The following NDRG4 variants were observed in gnomAD, a reference collection of about 807,000 sequenced individuals.
NDRG4 encodes protein NDRG4.
A neutral mutation model predicts 55.8 loss-of-function variants in NDRG4; 38 were observed. The observed-to-expected ratio is 0.68, with a 90% CI of 0.53 to 0.89. The LOEUF is 0.89. Among genes scored for constraint, NDRG4 ranks in the 40% least tolerant of loss-of-function variants. The pLI, the probability that NDRG4 is intolerant of heterozygous loss-of-function variation, is 0.00. For missense variants in NDRG4, 455 were observed against 468.6 expected (o/e 0.97, Z 0.27); for synonymous variants, 190 against 182.7 (o/e 1.04, Z -0.32).
At chr16:58,489,635 A>G (rs879004074) in intron 2 of NDRG4, among the ~76,000 whole-genome samples, 1 of 151,920 alleles carries the variant, frequency 6.6e-6, no homozygotes, top group Admixed American at 6.5e-5. Flanking sequence ...GCAGGTTCCC[A>G]GGACAGAGAT....
intron 7 of NDRG4, 89 bp downstream of exon 7, chr16:58,506,703 A>G: frequency 2.1e-6 from 3 of 1,434,948 alleles, no homozygotes; most frequent in Admixed American, 2.1e-5. Context: ...TGTCTTTGGC[A>G]TCTGACCTGG....
chr16:58,468,797 C>T (rs1487734810), intron 1 of NDRG4, among the ~76,000 whole-genome samples: 3 of 152,222 alleles, frequency 2.0e-5, no homozygotes, highest in Admixed American at 6.5e-5. Flanking sequence ...GAGCTCATTA[C>T]AATTCTCAGA....
chr16:58,465,963 C>G (rs1196477336), intron 1 of NDRG4, among the ~76,000 whole-genome samples: 1 of 152,174 alleles, frequency 6.6e-6, no homozygotes, highest in Non-Finnish European at 1.5e-5. Flanking sequence ...ACCGCGCAGG[C>G]CACTGAACTT....
intron 1 of NDRG4, chr16:58,487,646 G>C (rs1206915881): frequency 2.5e-6 from 2 of 787,010 alleles, no homozygotes; most frequent in Non-Finnish European, 3.8e-6. Flanking sequence ...GGGGGCCAGG[G>C]GGACAGTGCA....
intron 1 of NDRG4, among the ~76,000 whole-genome samples, chr16:58,487,240 G>T (rs533771917): frequency 1.4e-4 from 22 of 152,188 alleles, no homozygotes; most frequent in Non-Finnish European, 2.5e-4. Context: ...CAAATAATAG[G>T]CTGGGCATGG....
chr16:58,510,579 C>T, intron 13 of NDRG4, 66 bp from the exon 14 acceptor site: 1 of 1,376,860 alleles, frequency 7.3e-7, no homozygotes, highest in Non-Finnish European at 1.0e-6. Context: ...CTCAGCGGAC[C>T]ACGCTCTTCA....
At chr16:58,505,085 C>T (rs935214947) in intron 5 of NDRG4, among the ~76,000 whole-genome samples, 1 of 152,160 alleles carries the variant, frequency 6.6e-6, no homozygotes, top group Non-Finnish European at 1.5e-5. Context: ...GTCGGTGGCT[C>T]ACACCTGTAA....
intron 1 of NDRG4, among the ~76,000 whole-genome samples, chr16:58,486,117 G>A (rs1013733398): frequency 5.9e-5 from 9 of 152,108 alleles, no homozygotes; most frequent in African/African-American, 1.9e-4. Flanking sequence ...CTTCGCTAGC[G>A]GTGTAAACTT....
At chr16:58,504,688 G>A (rs770795751) in intron 5 of NDRG4, 39 bp downstream of exon 5, 1 of 1,612,332 alleles carries the variant, frequency 6.2e-7, no homozygotes, top group Non-Finnish European at 8.5e-7. Context: ...AAACACCAGG[G>A]CAAGCCAGGG....
At chr16:58,489,055 T>A (rs939922671) in intron 2 of NDRG4, among the ~76,000 whole-genome samples, 5 of 152,102 alleles carry the variant, frequency 3.3e-5, no homozygotes, top group African/African-American at 1.2e-4. Flanking sequence ...TCCCAGCACT[T>A]TGGGAGGCCG....
At chr16:58,504,841 G>A (rs1443283838) in intron 5 of NDRG4, 192 bp downstream of exon 5, 2 of 604,676 alleles carry the variant, frequency 3.3e-6, no homozygotes. Context: ...TTTTAAAAAA[G>A]AGGTTCCTTT....
intron 1 of NDRG4, among the ~76,000 whole-genome samples, chr16:58,477,561 T>A (rs111254542): frequency 0.012 from 1,768 of 152,256 alleles, 22 homozygotes; most frequent in African/African-American, 0.024. Context: ...CCATGAGTCC[T>A]TATTGATATA....
chr16:58,477,043 G>A (rs555943227), intron 1 of NDRG4, among the ~76,000 whole-genome samples: 2 of 151,982 alleles, frequency 1.3e-5, no homozygotes, highest in African/African-American at 2.4e-5. Context: ...GCAATCAAAC[G>A]GGGGAAGCTA....
intron 2 of NDRG4, among the ~76,000 whole-genome samples, chr16:58,494,223 C>A (rs1309589928): frequency 2.0e-5 from 3 of 152,182 alleles, no homozygotes; most frequent in Middle Eastern, 3.2e-3. Flanking sequence ...TCAAACGGTT[C>A]ACTGTGAAGT....
In NDRG4 at chr16:58,464,527, G is replaced by T. The variant is rs2031191289; in HGVS notation, c.-24+730G>T. Reference sequence around the variant, plus strand: ...TTCCGAGTTGGAGCGGACTCCGGGCGCGGCGGCCGGGGACTGGGGCGGCTC... The same window carrying T: ...TTCCGAGTTGGAGCGGACTCCGGGCTCGGCGGCCGGGGACTGGGGCGGCTC... On this transcript the variant is annotated intron_variant, in intron 1 of 15. Coordinates refer to the NDRG4 transcript ENST00000258187. This position sits in a 1 kb window ranked among gnomAD's most constrained non-coding sequence, Gnocchi z 4.8. 1 of 1,283,598 alleles carries T rather than the reference G, an allele frequency of 7.8e-7. No individual in the cohort carries two copies. Among genetic ancestry groups the T allele is most frequent in the African/African-American group, 1.5e-5 (1 of 64,614 alleles). 79.5% of individuals were successfully genotyped at this position (1,283,598 alleles called of 1,614,324 possible). A position where few individuals can be genotyped will look rare whatever the true frequency, so the allele number is the denominator to read the frequency against.
intron 1 of NDRG4, chr16:58,501,281 C>T (rs772665146): frequency 7.6e-6 from 3 of 393,662 alleles, no homozygotes; most frequent in Non-Finnish European, 1.3e-5. Context: ...CACAGCACCA[C>T]CAGCACCAAC....
intron 10 of NDRG4, among the ~76,000 whole-genome samples, chr16:58,508,709 A>G (rs2038376366): frequency 6.6e-6 from 1 of 151,864 alleles, no homozygotes; most frequent in African/African-American, 2.4e-5. Context: ...CCCTCGCCTG[A>G]CTCCCACTCC....
intron 7 of NDRG4, 37 bp from the exon 8 acceptor site, chr16:58,506,875 C>G (rs778910198): frequency 6.4e-7 from 1 of 1,572,558 alleles, no homozygotes; most frequent in African/African-American, 1.3e-5. Flanking sequence ...CCTCTGTCTG[C>G]CCCTCTGCAT....
chr16:58,502,131 T>C, intron 1 of NDRG4: 1 of 420,614 alleles, frequency 2.4e-6, no homozygotes, highest in Middle Eastern at 4.8e-4. Context: ...CCCTCCCTAC[T>C]CTGGGATTGA....
Sources: gnomAD v4.1 joint callset for allele counts (sites outside exome capture counted in the v4.1 genomes callset) on GRCh38, gnomAD v4.1.1 for gene constraint, Gnocchi (gnomAD v3.1) non-coding constraint, MANE v1.5 for transcripts, NCBI Gene and HGNC (gene_info 2026-07-23, HGNC 2026-07-21) for gene names.